TMEM132D: variants seen among roughly 807,000 people sequenced by gnomAD.
TMEM132D encodes the protein mature OL transmembrane protein.
In TMEM132D, 21 loss-of-function variants were observed where a neutral mutation model predicts 62.3. That is an observed-to-expected ratio of 0.34 (90% CI 0.24 to 0.49). The LOEUF is 0.49. TMEM132D is among the 20% of genes least tolerant of loss of function. The pLI, the probability that TMEM132D is intolerant of heterozygous loss-of-function variation, is 0.99. For synonymous variants in TMEM132D, 621 were observed against 575.6 expected, an observed-to-expected ratio of 1.08 and a Z score of -1.13; for missense variants, 1,346 against 1,402.8, an observed-to-expected ratio of 0.96 and a Z score of 0.65.
chr12:129,632,077 C>T (rs1339642713), intron 2 of TMEM132D, among the ~76,000 whole-genome samples: 1 of 152,126 alleles, frequency 6.6e-6, no homozygotes, highest in Non-Finnish European at 1.5e-5. Context: ...TACATAAATA[C>T]GCTAGGACTA....
intron 3 of TMEM132D, among the ~76,000 whole-genome samples, chr12:129,444,871 C>T (rs754997835): frequency 6.6e-6 from 1 of 152,192 alleles, no homozygotes; most frequent in Non-Finnish European, 1.5e-5. Flanking sequence ...AATGCTTACA[C>T]ACTGTTGGTG....
At chr12:129,208,733 C>T (rs1407047009) in intron 5 of TMEM132D, 3 of 152,174 alleles carry the variant, frequency 2.0e-5, no homozygotes, top group Non-Finnish European at 4.4e-5. Context: ...GAGGAGGTGC[C>T]TGCTGCATCT....
intron 2 of TMEM132D, among the ~76,000 whole-genome samples, chr12:129,605,451 C>T (rs1449332055): frequency 6.6e-6 from 1 of 151,790 alleles, no homozygotes; most frequent in Non-Finnish European, 1.5e-5. Context: ...AAAAAATGGT[C>T]TCGTCTGATC....
rs186047427 is a variant in TMEM132D, at chr12:129,457,201, C to T, written c.1115+73858G>A. On this transcript the variant is annotated intron_variant, in intron 3 of 8. Coordinates refer to ENST00000422113, the MANE Select transcript of TMEM132D (RefSeq NM_133448.3). ...ACTTGGAACCAACCCAAATGTCCAA[C>T]AATGACAGACTAGATTAAGAAAATG... Among the ~76,000 whole-genome samples the T allele has an allele frequency of 2.8e-4, 42 of 152,136 alleles. 2 individuals carry two copies. The highest frequency in any genetic ancestry group is 2.5e-3 in the Admixed American group (38 of 15,276).
intron 3 of TMEM132D, among the ~76,000 whole-genome samples, chr12:129,475,980 A>AC (rs1874244583): frequency 6.6e-6 from 1 of 152,252 alleles, no homozygotes; most frequent in Non-Finnish European, 1.5e-5. Context: ...GTCAAGTTTT[A>AC]TGCTCACGTA....
intron 3 of TMEM132D, among the ~76,000 whole-genome samples, chr12:129,395,486 T>C (rs6486457): frequency 0.078 from 11,855 of 152,072 alleles, 1,093 homozygotes; most frequent in African/African-American, 0.23. Context: ...GTAATGTTCT[T>C]ATGGAGATTT....
chr12:129,355,605 T>A (rs1870018417), intron 3 of TMEM132D, among the ~76,000 whole-genome samples: 1 of 152,184 alleles, frequency 6.6e-6, no homozygotes, highest in South Asian at 2.1e-4. Context: ...TCAGAACACC[T>A]TCCAAAGGTT....
At chr12:129,441,422 G>A (rs1872933441) in intron 3 of TMEM132D, among the ~76,000 whole-genome samples, 1 of 152,188 alleles carries the variant, frequency 6.6e-6, no homozygotes, top group Non-Finnish European at 1.5e-5. Flanking sequence ...AGTGATGAAG[G>A]CAACAGGCAG....
Position 129,304,956 on chromosome 12 carries a change from G to T in TMEM132D, c.1299+32678C>A, listed in dbSNP as rs138393433. Among the ~76,000 whole-genome samples the T allele has an allele frequency of 2.5e-3, 378 of 152,222 alleles. 2 individuals are homozygous for T. Among genetic ancestry groups the T allele is most frequent in the African/African-American group, 8.7e-3 (361 of 41,530 alleles). On this transcript the variant is annotated intron_variant, in intron 4 of 8. Transcript: ENST00000422113. Reference sequence around the variant, plus strand: ...TGGAATTACAGGCATGAGCCACTGCGCCTGGCCAAGCTCTTTCTTGGCCCT... The same window carrying T: ...TGGAATTACAGGCATGAGCCACTGCTCCTGGCCAAGCTCTTTCTTGGCCCT...
intron 2 of TMEM132D, among the ~76,000 whole-genome samples, chr12:129,576,497 T>C (rs547615127): frequency 1.3e-5 from 2 of 151,900 alleles, no homozygotes; most frequent in East Asian, 3.9e-4. Flanking sequence ...CATATATCTG[T>C]TTACATAAAT....
chr12:129,356,389 C>A (rs1236603119), intron 3 of TMEM132D, among the ~76,000 whole-genome samples: 1 of 26,298 alleles, frequency 3.8e-5, no homozygotes, highest in African/African-American at 2.1e-4. Flanking sequence ...GATCTCTTGA[C>A]CTCGTGATCC....
intron 2 of TMEM132D, among the ~76,000 whole-genome samples, chr12:129,577,120 C>G (rs767996154): frequency 9.9e-5 from 15 of 151,768 alleles, no homozygotes; most frequent in Non-Finnish European, 1.6e-4. Flanking sequence ...CAGTATTGCA[C>G]TAAACACAAC....
chr12:129,190,700 C>A (rs1593290880), intron 5 of TMEM132D, among the ~76,000 whole-genome samples: 1 of 151,754 alleles, frequency 6.6e-6, no homozygotes, highest in East Asian at 1.9e-4. Context: ...ACAAGGCAGC[C>A]CTGCTGAGAC....
chr12:129,822,739 A>T (rs985467023), intron 1 of TMEM132D, among the ~76,000 whole-genome samples: 3 of 152,220 alleles, frequency 2.0e-5, no homozygotes, highest in African/African-American at 7.2e-5. Flanking sequence ...CGAAGGGGGA[A>T]GTCCCTTATA....
intron 3 of TMEM132D, among the ~76,000 whole-genome samples, chr12:129,457,141 G>A (rs956270865): frequency 6.6e-6 from 1 of 151,838 alleles, no homozygotes; most frequent in Non-Finnish European, 1.5e-5. Context: ...ACATGCACAC[G>A]TATGTTTATT....
intron 5 of TMEM132D, among the ~76,000 whole-genome samples, chr12:129,183,836 T>A (rs1312588323): frequency 6.9e-6 from 1 of 145,910 alleles, no homozygotes; most frequent in Non-Finnish European, 1.5e-5. Context: ...TGGAGCTGGG[T>A]GGTGGCTGTC....
At chr12:129,353,768 G>A (rs1259988331) in intron 3 of TMEM132D, among the ~76,000 whole-genome samples, 1 of 152,188 alleles carries the variant, frequency 6.6e-6, no homozygotes, top group East Asian at 1.9e-4. Context: ...TCCCTGACCT[G>A]CTTGCCATCA....
At chr12:129,385,096 T>C (rs946709457) in intron 3 of TMEM132D, among the ~76,000 whole-genome samples, 3 of 141,534 alleles carry the variant, frequency 2.1e-5, no homozygotes, top group Non-Finnish European at 4.5e-5. Context: ...TTTTTTTTTT[T>C]TTTTTTTTTT....
At chr12:129,109,558 C>A (rs1413702346) in intron 5 of TMEM132D, 4 of 152,322 alleles carry the variant, frequency 2.6e-5, no homozygotes, top group Non-Finnish European at 4.4e-5. Context: ...GTGGGAGGGA[C>A]CCAGTGGGAG....
Sources: gnomAD v4.1 joint callset for allele counts (sites outside exome capture counted in the v4.1 genomes callset) on GRCh38, gnomAD v4.1.1 for gene constraint, MANE v1.5 for transcripts, NCBI Gene and HGNC (gene_info 2026-07-23, HGNC 2026-07-21) for gene names.